The following BCAR3 variants were observed in gnomAD, a reference collection of about 807,000 sequenced individuals.
BCAR3 encodes BCAR3 adaptor protein, NSP family member.
In BCAR3, 37 loss-of-function variants were observed where a neutral mutation model predicts 80.1. The ratio of observed to expected loss-of-function variants is 0.46; its 90% CI spans 0.36 to 0.61. BCAR3 has a LOEUF of 0.61. Ranked by LOEUF, BCAR3 falls within the 20% of genes least tolerant of loss-of-function variation. The pLI is 0.00. For synonymous variants in BCAR3, 389 were observed against 418.9 expected (o/e 0.93, Z 0.87); for missense variants, 978 against 1,068.2 (o/e 0.92, Z 1.18).
At chr1:93,779,325 T>G (rs986464961) in intron 2 of BCAR3, among the ~76,000 whole-genome samples, 1 of 152,184 alleles carries the variant, frequency 6.6e-6, no homozygotes, top group Non-Finnish European at 1.5e-5. Context: ...TGAGCTGTGT[T>G]GTATGCCAGG....
At chr1:93,677,368 A>T (rs964588092) in intron 1 of BCAR3, among the ~76,000 whole-genome samples, 1 of 152,160 alleles carries the variant, frequency 6.6e-6, no homozygotes, top group African/African-American at 2.4e-5. Context: ...TCCCAGAAGC[A>T]ACTTAGGTTA....
chr1:93,837,937 C>T (rs879672523), intron 2 of BCAR3, among the ~76,000 whole-genome samples: 1 of 152,242 alleles, frequency 6.6e-6, no homozygotes, highest in Admixed American at 6.5e-5. Context: ...TCAACACTCA[C>T]ATGAGTCATG....
Position 93,589,139 on chromosome 1 carries a change from G to A in BCAR3, c.767C>T (p.Thr256Met), listed in dbSNP as rs756132846. ...GAIIFQPINR[T>M]VPLRCLEEHY... ...CTCCTCCAGGCACCGCAGAGGCACC[G>A]TCCTGTTGATGGGCTGGAAGATGAT... is the stretch of plus-strand genomic sequence containing the variant. The change falls in exon 5 of 12, where the codon ACG (threonine) becomes ATG (methionine). Residue 256 changes from threonine to methionine, a missense_variant. By Grantham distance (81) the Thr-to-Met change is moderately conservative (BLOSUM62 -1). Transcript: ENST00000260502. 20 of 1,613,484 alleles carry A rather than the reference G, an allele frequency of 1.2e-5. No homozygotes were observed. The highest frequency in any genetic ancestry group is 6.7e-5 in the African/African-American group (5 of 74,938).
rs1369154191 is a variant in BCAR3 at position 93,582,562 on chromosome 1, G to A, written c.1425C>T (p.Tyr475=). 3 of 1,613,484 alleles carry A rather than the reference G, an allele frequency of 1.9e-6. No individual in the cohort carries two copies. In the East Asian group the frequency reaches 6.7e-5, roughly 36 times the overall value. Residue 475 remains tyrosine (Y), a synonymous_variant, in exon 7 of 12, where the codon TAC becomes TAT. Transcript: ENST00000260502. ...CCCTGTCATCATCATCAAGGATCAA[G>A]TAGTTGACGCCAGAGTTCCGGGGAC... ...APGPRNSGVN[Y]LILDDDDRER... is the part of the protein sequence containing the mutation.
intron 2 of BCAR3, among the ~76,000 whole-genome samples, chr1:93,752,153 C>T (rs1651579609): frequency 6.6e-6 from 1 of 152,238 alleles, no homozygotes; most frequent in African/African-American, 2.4e-5. Flanking sequence ...AAGCTGGGCA[C>T]TTACTCCTCC....
intron 2 of BCAR3, among the ~76,000 whole-genome samples, chr1:93,718,177 G>T (rs1650253990): frequency 6.6e-6 from 1 of 152,116 alleles, no homozygotes; most frequent in Non-Finnish European, 1.5e-5. Flanking sequence ...AGGATGAGGA[G>T]AAGTTTCATG....
intron 2 of BCAR3, among the ~76,000 whole-genome samples, chr1:93,803,635 T>G (rs1170890103): frequency 1.3e-5 from 2 of 152,182 alleles, no homozygotes; most frequent in Admixed American, 6.5e-5. Flanking sequence ...TGGGTGTCCA[T>G]GAATTCTGCT....
intron 9 of BCAR3, among the ~76,000 whole-genome samples, chr1:93,569,241 G>C (rs6702206): frequency 0.42 from 63,286 of 152,160 alleles, 15,824 homozygotes; most frequent in Non-Finnish European, 0.54. Flanking sequence ...TTTAAGACAG[G>C]TATTTTGGCT....
chr1:93,835,812 G>A (rs948015291), intron 2 of BCAR3, among the ~76,000 whole-genome samples: 1 of 152,148 alleles, frequency 6.6e-6, no homozygotes, highest in African/African-American at 2.4e-5. Flanking sequence ...ATACCTCTTG[G>A]TCTGGGTAGA....
At chr1:93,823,989 C>T (rs1198911709) in intron 2 of BCAR3, among the ~76,000 whole-genome samples, 2 of 134,138 alleles carry the variant, frequency 1.5e-5, no homozygotes, top group African/African-American at 2.5e-5. Context: ...TGAGCCACCG[C>T]GCCTGGCCGA....
At chr1:93,671,417 A>G (rs1292259474) in intron 2 of BCAR3, among the ~76,000 whole-genome samples, 1 of 152,220 alleles carries the variant, frequency 6.6e-6, no homozygotes, top group East Asian at 1.9e-4. Flanking sequence ...TGAGCAAGAT[A>G]GAGGAGGCAG....
At chr1:93,846,732 A>G in intron 1 of BCAR3, 2 of 375,532 alleles carry the variant, frequency 5.3e-6, no homozygotes, top group Non-Finnish European at 1.0e-5. Context: ...CCGCCCACGC[A>G]GTCGCGGGCC....
chr1:93,813,160 T>C lies in BCAR3; in HGVS notation c.-63+32407A>G, dbSNP rs1035039046. ...CCAGCCCCCAGAGCTCCATTCTGCC[T>C]TCAGCTTGGTCCACTGTTCTTCCTC... On this transcript the variant is annotated intron_variant, in intron 2 of 13. Coordinates refer to the BCAR3 transcript ENST00000370244. Among the ~76,000 whole-genome samples, 2 of 152,092 alleles carry C rather than the reference T, an allele frequency of 1.3e-5. 1 individual carries two copies. Among genetic ancestry groups the C allele is most frequent in the South Asian group, 4.2e-4 (2 of 4,818 alleles).
intron 2 of BCAR3, among the ~76,000 whole-genome samples, chr1:93,816,263 CAGG>C (rs1654012420): frequency 6.6e-6 from 1 of 152,166 alleles, no homozygotes; most frequent in African/African-American, 2.4e-5. Flanking sequence ...CAGGAATTGA[CAGG>C]AGAATAGAGT....
chr1:93,702,893 G>A (rs1042067124), intron 3 of BCAR3, among the ~76,000 whole-genome samples: 4 of 152,320 alleles, frequency 2.6e-5, no homozygotes, highest in East Asian at 3.9e-4. Context: ...AGCTGCCCAC[G>A]CATGTCAGAG....
chr1:93,772,118 C>T (rs1652375769), intron 2 of BCAR3, among the ~76,000 whole-genome samples: 1 of 152,156 alleles, frequency 6.6e-6, no homozygotes, highest in African/African-American at 2.4e-5. Flanking sequence ...CAGTGGAGTA[C>T]AAGAGATAGT....
At chr1:93,695,958 C>T (rs1367335202) in intron 3 of BCAR3, among the ~76,000 whole-genome samples, 1 of 152,154 alleles carries the variant, frequency 6.6e-6, no homozygotes, top group African/African-American at 2.4e-5. Context: ...TGAAAATGGG[C>T]ATATCCAGGT....
chr1:93,660,304 C>A (rs1557643813), intron 2 of BCAR3, among the ~76,000 whole-genome samples: 2 of 152,222 alleles, frequency 1.3e-5, no homozygotes, highest in Non-Finnish European at 2.9e-5. Context: ...GCTGCCAGAG[C>A]AGCGCCTGGC....
At chr1:93,801,980 T>A (rs1437795863) in intron 2 of BCAR3, among the ~76,000 whole-genome samples, 1 of 152,036 alleles carries the variant, frequency 6.6e-6, no homozygotes, top group Non-Finnish European at 1.5e-5. Context: ...TAGCTGGGTG[T>A]GGCAGCACGT....
Sources: gnomAD v4.1 joint callset for allele counts (sites outside exome capture counted in the v4.1 genomes callset) on GRCh38, gnomAD v4.1.1 for gene constraint, MANE v1.5 for transcripts, NCBI Gene and HGNC (gene_info 2026-07-23, HGNC 2026-07-21) for gene names.